The following MAP7D1 variants were observed in gnomAD, a reference collection of about 807,000 sequenced individuals.
MAP7D1 encodes the protein MAP7 domain-containing protein 1.
In MAP7D1, 30 loss-of-function variants were observed where a neutral mutation model predicts 97.5. The observed-to-expected ratio is 0.31, with a 90% confidence interval of 0.23 to 0.42. MAP7D1 has a LOEUF of 0.42. Among genes scored for constraint, MAP7D1 ranks in the 10% least tolerant of loss-of-function variants. The pLI, the probability that MAP7D1 is intolerant of heterozygous loss-of-function variation, is 1.00. For synonymous variants in MAP7D1, 536 were observed against 477.1 expected, an observed-to-expected ratio of 1.12 and a Z score of -1.61; for missense variants, 1,184 against 1,179.5, an observed-to-expected ratio of 1.00 and a Z score of -0.06.
chr1:36,164,524 G>C (rs1420000064), intron 1 of MAP7D1, among the ~76,000 whole-genome samples: 2 of 152,344 alleles, frequency 1.3e-5, no homozygotes, highest in African/African-American at 2.4e-5. Flanking sequence ...GCTAAGAAAA[G>C]AGAGTATGTG....
intron 1 of MAP7D1, among the ~76,000 whole-genome samples, chr1:36,161,803 A>G (rs1222283865): frequency 6.6e-6 from 1 of 151,838 alleles, no homozygotes; most frequent in Non-Finnish European, 1.5e-5. Context: ...CTCTGTGGGT[A>G]CATCTGTGTG....
chr1:36,177,924 T>C lies in MAP7D1; in HGVS notation c.1431T>C (p.Pro477=). The change falls in exon 9 of 17, where the codon CCT becomes CCC. Residue 477 remains proline, a synonymous_variant. Transcript: ENST00000474796. The part of the protein sequence containing the change: ...PSSPSTSWHR[P]ASPCPSPGPG... ...CTCCCTCCACATCCTGGCACAGGCC[T>C]GCCTCCCCCTGCCCCAGCCCAGGGC... 6.4e-7 allele frequency: 1 copy of C among 1,567,316 alleles called. No individual in the cohort carries two copies. The highest frequency in any genetic ancestry group is 8.7e-7 in the Non-Finnish European group (1 of 1,155,184).
chr1:36,179,438 G>T, intron 13 of MAP7D1, 77 bp from the exon 14 acceptor site: 1 of 1,571,938 alleles, frequency 6.4e-7, no homozygotes. Context: ...GCCCGGGCAA[G>T]GGGAGGGCCG....
At chr1:36,163,576 T>C (rs1644438291) in intron 1 of MAP7D1, among the ~76,000 whole-genome samples, 1 of 152,112 alleles carries the variant, frequency 6.6e-6, no homozygotes, top group Admixed American at 6.5e-5. Context: ...GAAGAAAATA[T>C]TTGTATTCAG....
In MAP7D1 at chr1:36,178,969, C is replaced by G. The variant is rs145297707; in HGVS notation, c.2074C>G (p.Leu692Val). The G allele has an allele frequency of 1.2e-5, 18 of 1,555,894 alleles. No individual in the cohort carries two copies. In the South Asian group the frequency reaches 1.9e-4, roughly 16 times the overall value. ...RSREEAERQRLEREKHFQQQE... is the reference protein window; with the variant it reads ...RSREEAERQRVEREKHFQQQE... ...GCGGGAAGAGGCGGAGCGGCAGCGTCTGGAGCGGGAAAAGCACTTCCAGCA... is the reference window on the plus strand; with the variant it reads ...GCGGGAAGAGGCGGAGCGGCAGCGTGTGGAGCGGGAAAAGCACTTCCAGCA... Residue 692 changes from leucine (L) to valine (V), a missense_variant, in exon 12 of 17, where the codon CTG becomes GTG. Transcript: ENST00000474796.
In MAP7D1 at chr1:36,156,327, G is replaced by A. The variant is rs1327283711; in HGVS notation, c.-91G>A. 4 of 1,143,154 alleles carry A rather than the reference G, an allele frequency of 3.5e-6. No individual in the cohort carries two copies. Among genetic ancestry groups the A allele is most frequent in the South Asian group, 1.8e-5 (1 of 56,070 alleles). 70.8% of individuals were successfully genotyped at this position (1,143,154 alleles called of 1,614,324 possible). On this transcript the variant is annotated 5_prime_UTR_variant, in exon 1 of 17. Coordinates refer to ENST00000474796, the MANE Select transcript of MAP7D1 (RefSeq NM_001388490.1). Reference sequence around the variant, plus strand: ...GCTACTTGCCGGGCCGGGCCGGGCCGGGCGTGATGCGCCGCGGGACCCCTG... The same window carrying A: ...GCTACTTGCCGGGCCGGGCCGGGCCAGGCGTGATGCGCCGCGGGACCCCTG...
rs879414637 is a variant in MAP7D1, at chr1:36,177,908, C to T, written c.1415C>T (p.Thr472Ile). Residue 472 changes from threonine to isoleucine, a missense_variant, in exon 9 of 17, where the codon ACA becomes ATA. Thr to Ile is a moderately conservative substitution (Grantham distance 89). Transcript: ENST00000474796. ...KSKARPSSPS[T>I]SWHRPASPCP... is the part of the protein sequence containing the mutation. ...AAGGCCAGGCCATCCTCTCCCTCCACATCCTGGCACAGGCCTGCCTCCCCC... is the reference window on the plus strand; with the variant it reads ...AAGGCCAGGCCATCCTCTCCCTCCATATCCTGGCACAGGCCTGCCTCCCCC... 1.9e-6 allele frequency: 3 copies of T among 1,549,534 alleles called. No individual in the cohort carries two copies. In the Admixed American group the frequency reaches 6.0e-5, roughly 31 times the overall value.
chr1:36,171,703 C>A, intron 3 of MAP7D1, 122 bp downstream of exon 3: 3 of 968,362 alleles, frequency 3.1e-6, no homozygotes, highest in South Asian at 2.8e-5. Flanking sequence ...GAGGCCGAGG[C>A]GGGCGAATCA....
intron 2 of MAP7D1, 22 bp downstream of exon 2, chr1:36,171,337 T>A (rs374268546): frequency 6.4e-7 from 1 of 1,551,094 alleles, no homozygotes; most frequent in Non-Finnish European, 8.7e-7. Context: ...GACCCCGGCC[T>A]GGGCCTAAAC....
At chr1:36,179,341 C>A in intron 13 of MAP7D1, 26 bp downstream of exon 13, 1 of 1,613,390 alleles carries the variant, frequency 6.2e-7, no homozygotes. Flanking sequence ...AAGGGCAGTG[C>A]TGGGCGTGGG....
chr1:36,166,925 G>A (rs1644481481), intron 1 of MAP7D1, among the ~76,000 whole-genome samples: 1 of 152,154 alleles, frequency 6.6e-6, no homozygotes, highest in Admixed American at 6.6e-5. Flanking sequence ...AACTGAGATG[G>A]GGAAAATGGG....
chr1:36,156,411 C>A lies in MAP7D1; in HGVS notation c.-7C>A. On this transcript the variant is annotated 5_prime_UTR_variant, in exon 1 of 17. Coordinates refer to ENST00000474796, the MANE Select transcript of MAP7D1 (RefSeq NM_001388490.1). ...GAGACCCCGAGACCCCCAGTGACGC[C>A]GCAGCCATGGAGAGCGGCCCGCGTG... 1 of 1,486,814 alleles carries A rather than the reference C, an allele frequency of 6.7e-7. No homozygotes were observed. Among genetic ancestry groups the A allele is most frequent in the South Asian group, 1.3e-5 (1 of 79,268 alleles). 92.1% of individuals were successfully genotyped at this position (1,486,814 alleles called of 1,614,324 possible).
intron 8 of MAP7D1, chr1:36,177,519 CT>C: frequency 1.9e-6 from 1 of 538,276 alleles, no homozygotes; most frequent in Non-Finnish European, 3.7e-6. Flanking sequence ...CAGATTCTGT[CT>C]TAAAAACAAC....
chr1:36,176,696 G>A lies in MAP7D1; in HGVS notation c.1234-1G>A, dbSNP rs1382951806. 2 of 1,604,936 alleles carry A rather than the reference G, an allele frequency of 1.2e-6. No homozygotes were observed. The highest frequency in any genetic ancestry group is 4.5e-5 in the East Asian group (2 of 44,578). ...CTCTTCCGTTCCTCCTTCCCTGCCA[G>A]GTGCAGAAAAAGGAGAAGAAGGACA... On this transcript the variant is annotated splice_acceptor_variant, in intron 7 of 16. Coordinates refer to ENST00000474796, the MANE Select transcript of MAP7D1 (RefSeq NM_001388490.1). LOFTEE classifies it high-confidence loss of function. This position sits in a 1 kb window ranked among gnomAD's most constrained non-coding sequence, Gnocchi z 6.1.
chr1:36,176,172 C>G lies in MAP7D1; in HGVS notation c.851-27C>G, dbSNP rs773925974. On this transcript the variant is annotated intron_variant, in intron 6 of 16. Transcript: ENST00000474796. This position sits in a 1 kb window ranked among gnomAD's most constrained non-coding sequence, Gnocchi z 6.1. ...TGCCTCCTACGGCCCCCACGGTGAC[C>G]GGCTTCGCCTGGCCTTCTACCCCCA... 2 of 1,600,224 alleles carry G rather than the reference C, an allele frequency of 1.2e-6. No individual in the cohort carries two copies. Among genetic ancestry groups the G allele is most frequent in the South Asian group, 1.1e-5 (1 of 90,648 alleles).
chr1:36,177,672 A>G, intron 8 of MAP7D1: 1 of 849,494 alleles, frequency 1.2e-6, no homozygotes, highest in South Asian at 1.7e-5. Flanking sequence ...ACATACAATA[A>G]TCAAAGAATC....
At chr1:36,170,385 T>C (rs1037593650) in intron 1 of MAP7D1, among the ~76,000 whole-genome samples, 9 of 152,256 alleles carry the variant, frequency 5.9e-5, no homozygotes, top group Admixed American at 2.0e-4. Flanking sequence ...ACGTCCTTCC[T>C]CTTGGTCAGT....
At chr1:36,170,812 C>T (rs1220158644) in intron 1 of MAP7D1, among the ~76,000 whole-genome samples, 159 bp from the exon 2 acceptor site, 2 of 152,158 alleles carry the variant, frequency 1.3e-5, no homozygotes, top group African/African-American at 4.8e-5. Context: ...TATTTTCTCA[C>T]CATTATATCA....
chr1:36,174,813 C>A, intron 5 of MAP7D1, 85 bp from the exon 6 acceptor site: 2 of 743,204 alleles, frequency 2.7e-6, no homozygotes, highest in Non-Finnish European at 4.7e-6. Context: ...ACCCCGCCCT[C>A]GGAGCATCCT....
Sources: gnomAD v4.1 joint callset for allele counts (sites outside exome capture counted in the v4.1 genomes callset) on GRCh38, gnomAD v4.1.1 for gene constraint, Gnocchi (gnomAD v3.1) non-coding constraint, MANE v1.5 for transcripts, NCBI Gene and HGNC (gene_info 2026-07-23, HGNC 2026-07-21) for gene names.